SOCS5: variants seen among roughly 807,000 people sequenced by gnomAD.
SOCS5 encodes suppressor of cytokine signaling 5, also known as CIS-6.
In SOCS5, 32 loss-of-function variants were observed where a neutral mutation model predicts 42.8. The observed-to-expected ratio is 0.75, with a 90% CI of 0.56 to 1.01. The LOEUF is 1.01. SOCS5 is among the 50% of genes least tolerant of loss of function. The probability of loss-of-function intolerance (pLI) is 0.00; values close to 1 mark genes in which losing one functional copy is unlikely to be tolerated. For synonymous variants in SOCS5, 283 were observed against 229.6 expected, an observed-to-expected ratio of 1.23 and a Z score of -2.10; for missense variants, 627 against 653.0, an observed-to-expected ratio of 0.96 and a Z score of 0.43.
Position 46,760,403 on chromosome 2 carries a change from G to A in SOCS5, c.*262G>A, listed in dbSNP as rs1343499952. On this transcript the variant is annotated 3_prime_UTR_variant, in exon 2 of 2. Transcript: ENST00000394861. ...GCTAACAGTTTGGTTTTTAATGGCT[G>A]TGGTATTTGAGTGAGGCAACTCTGG... 2.6e-6 allele frequency: 1 copy of A among 382,712 alleles called. No homozygotes were observed. Among genetic ancestry groups the A allele is most frequent in the Non-Finnish European group, 4.9e-6 (1 of 205,180 alleles). 23.7% of individuals were successfully genotyped at this position (382,712 alleles called of 1,614,324 possible).
chr2:46,722,902 A>C (rs943304598), intron 1 of SOCS5, among the ~76,000 whole-genome samples: 2 of 152,052 alleles, frequency 1.3e-5, no homozygotes, highest in Non-Finnish European at 2.9e-5. Flanking sequence ...GGATTTCTCT[A>C]ATGTCTAATA....
chr2:46,729,008 G>C (rs1673054879), intron 1 of SOCS5, among the ~76,000 whole-genome samples: 1 of 152,188 alleles, frequency 6.6e-6, no homozygotes, highest in African/African-American at 2.4e-5. Flanking sequence ...TACTGAATCA[G>C]AAATTCTGGG....
At chr2:46,709,584 A>G (rs1028096583) in intron 1 of SOCS5, among the ~76,000 whole-genome samples, 2 of 152,190 alleles carry the variant, frequency 1.3e-5, no homozygotes, top group South Asian at 4.1e-4. Flanking sequence ...CAAGAAAGTA[A>G]TAGAACATTA....
chr2:46,757,969 C>G (rs554023723), intron 1 of SOCS5, among the ~76,000 whole-genome samples: 2 of 152,074 alleles, frequency 1.3e-5, no homozygotes, highest in South Asian at 2.1e-4. Context: ...AAATTTGATA[C>G]ATTATAGGGT....
chr2:46,748,674 T>A (rs1036385173), intron 1 of SOCS5, among the ~76,000 whole-genome samples: 1 of 152,230 alleles, frequency 6.6e-6, no homozygotes, highest in African/African-American at 2.4e-5. Context: ...TGTTAAAGAT[T>A]AGTAAATGTA....
intron 1 of SOCS5, among the ~76,000 whole-genome samples, chr2:46,705,223 G>A (rs1042646609): frequency 6.6e-6 from 1 of 152,196 alleles, no homozygotes; most frequent in Non-Finnish European, 1.5e-5. Context: ...GGCTGTAGGA[G>A]CCCCAGTTTA....
At chr2:46,756,147 G>A (rs1042217627) in intron 1 of SOCS5, among the ~76,000 whole-genome samples, 3 of 152,290 alleles carry the variant, frequency 2.0e-5, no homozygotes, top group African/African-American at 7.2e-5. Context: ...AAGGAGATGA[G>A]TGGTTTTAGG....
In SOCS5 at chr2:46,759,282, A is replaced by G. The variant is rs755991748; in HGVS notation, c.752A>G (p.Asp251Gly). 1.2e-6 allele frequency: 2 copies of G among 1,614,010 alleles called. No individual in the cohort carries two copies. Among genetic ancestry groups the G allele is most frequent in the Non-Finnish European group, 1.7e-6 (2 of 1,179,868 alleles). The change falls in exon 2 of 2, where the codon GAT becomes GGT. Residue 251 changes from aspartate (D) to glycine (G), a missense_variant. Transcript: ENST00000394861. ...CATTCAACATTTTTTGATACATTTGATCCATCTTTGGTTTCTACAGAAGAT... is the reference window on the plus strand; with the variant it reads ...CATTCAACATTTTTTGATACATTTGGTCCATCTTTGGTTTCTACAGAAGAT... ...SPHSTFFDTF[D>G]PSLVSTEDEE...
intron 1 of SOCS5, among the ~76,000 whole-genome samples, chr2:46,702,122 A>G (rs970448475): frequency 6.6e-6 from 1 of 152,060 alleles, no homozygotes; most frequent in African/African-American, 2.4e-5. Flanking sequence ...ACCTCACAGC[A>G]TAGTGGTGAG....
intron 1 of SOCS5, among the ~76,000 whole-genome samples, chr2:46,712,181 A>G (rs1197206768): frequency 1.3e-5 from 2 of 152,182 alleles, no homozygotes; most frequent in Non-Finnish European, 2.9e-5. Context: ...TAACATGAAC[A>G]TAATATAGCT....
chr2:46,699,659 C>G lies in SOCS5; in HGVS notation c.-13+210C>G, dbSNP rs1409925188. Among the ~76,000 whole-genome samples the G allele has an allele frequency of 2.0e-5, 3 of 152,184 alleles. No individual in the cohort carries two copies. The highest frequency in any genetic ancestry group is 7.2e-5 in the African/African-American group (3 of 41,454). On this transcript the variant is annotated intron_variant, in intron 1 of 1. Coordinates refer to ENST00000394861, the MANE Select transcript of SOCS5 (RefSeq NM_144949.3). The surrounding 1 kb of genome is among the most constrained non-coding windows in gnomAD (Gnocchi z 4.8). Reference sequence around the variant, plus strand: ...GCTAGCCCGGGCCGCGAGCCCCGTGCAGACCACGCCGCTCACAGTGGGAGC... The same window carrying G: ...GCTAGCCCGGGCCGCGAGCCCCGTGGAGACCACGCCGCTCACAGTGGGAGC...
chr2:46,716,884 G>A (rs922785409), intron 1 of SOCS5, among the ~76,000 whole-genome samples: 3 of 152,172 alleles, frequency 2.0e-5, no homozygotes, highest in Non-Finnish European at 4.4e-5. Flanking sequence ...TTTAGGGCCT[G>A]TTTGGGCCCA....
intron 1 of SOCS5, among the ~76,000 whole-genome samples, chr2:46,747,797 A>G (rs1227996853): frequency 6.6e-6 from 1 of 152,162 alleles, no homozygotes; most frequent in Admixed American, 6.5e-5. Flanking sequence ...AAGAGCTTTA[A>G]ATATTTACAT....
At position 46,712,490 on chromosome 2, in the gene SOCS5, C is replaced by T. The variant is rs190544938; in HGVS notation, c.-13+13041C>T. Among the ~76,000 whole-genome samples, 484 of 152,100 alleles carry T rather than the reference C, an allele frequency of 3.2e-3. 2 individuals are homozygous for T. Among genetic ancestry groups the T allele is most frequent in the African/African-American group, 0.011 (463 of 41,504 alleles). On this transcript the variant is annotated intron_variant, in intron 1 of 1. Transcript: ENST00000394861. ...TCCCAAGTAGCTGGGACTATAGGCGCGTGCCACCACGCCCAGATAATTTTT... is the reference window on the plus strand; with the variant it reads ...TCCCAAGTAGCTGGGACTATAGGCGTGTGCCACCACGCCCAGATAATTTTT...
At chr2:46,735,955 A>G (rs1247359507) in intron 1 of SOCS5, among the ~76,000 whole-genome samples, 1 of 152,152 alleles carries the variant, frequency 6.6e-6, no homozygotes, top group Non-Finnish European at 1.5e-5. Flanking sequence ...AGTAAAATAT[A>G]CAAAACATAA....
intron 1 of SOCS5, among the ~76,000 whole-genome samples, chr2:46,725,288 A>G (rs535480664): frequency 8.5e-5 from 13 of 152,058 alleles, no homozygotes; most frequent in Middle Eastern, 3.4e-3. Context: ...GTGGCATACA[A>G]TTGGGTCATC....
chr2:46,755,478 T>TA (rs1321548612), intron 1 of SOCS5, among the ~76,000 whole-genome samples: 1 of 152,186 alleles, frequency 6.6e-6, no homozygotes, highest in African/African-American at 2.4e-5. Flanking sequence ...TCCAGTTAAA[T>TA]ATAATTTTTC....
intron 1 of SOCS5, among the ~76,000 whole-genome samples, chr2:46,738,069 G>C (rs555686759): frequency 6.6e-6 from 1 of 152,184 alleles, no homozygotes. Flanking sequence ...TGAACTTGAT[G>C]TAGATGTTAA....
In SOCS5 at chr2:46,705,630, G is replaced by A. The variant is rs76107025; in HGVS notation, c.-13+6181G>A. 2.0e-5 allele frequency among the ~76,000 whole-genome samples: 3 copies of A among 152,124 alleles called. No individual in the cohort carries two copies. The East Asian group carries it at 5.8e-4, about 29-fold the overall frequency. On this transcript the variant is annotated intron_variant, in intron 1 of 1. Transcript: ENST00000394861. Reference sequence around the variant, plus strand: ...GGAGAAGCTCAAGCACTTTCTTATGGGTTAAAATATGCATGTGGCCAAAGG... The same window carrying A: ...GGAGAAGCTCAAGCACTTTCTTATGAGTTAAAATATGCATGTGGCCAAAGG...
Sources: gnomAD v4.1 joint callset for allele counts (sites outside exome capture counted in the v4.1 genomes callset) on GRCh38, gnomAD v4.1.1 for gene constraint, Gnocchi (gnomAD v3.1) non-coding constraint, MANE v1.5 for transcripts, NCBI Gene and HGNC (gene_info 2026-07-23, HGNC 2026-07-21) for gene names.